The following MNT variants were observed in gnomAD, a reference collection of about 807,000 sequenced individuals.
MNT encodes MAX network transcriptional repressor.
MNT carries 13 observed loss-of-function variants against 40.7 expected under a neutral mutation model. The observed-to-expected ratio is 0.32, with a 90% CI of 0.21 to 0.51. The LOEUF is 0.51. Ranked by LOEUF, MNT falls within the 20% of genes least tolerant of loss-of-function variation. The pLI is 0.98. For missense variants in MNT, 757 were observed against 792.0 expected (o/e 0.96, Z 0.53); for synonymous variants, 426 against 354.8 (o/e 1.20, Z -2.26).
At chr17:2,395,605 C>CTTTCCCCCGTGCCT in intron 1 of MNT, 151 bp from the exon 2 acceptor site, 4 of 1,405,098 alleles carry the variant, frequency 2.8e-6, no homozygotes, top group African/African-American at 1.4e-5. Flanking sequence ...CAGCCAGGCA[C>CTTTCCCCCGTGCCT]GGGGGAAAGT....
In MNT at chr17:2,387,469, G is replaced by A. The variant is rs539260627; in HGVS notation, c.1181C>T (p.Ala394Val). 6.2e-7 allele frequency: 1 copy of A among 1,611,954 alleles called. No individual in the cohort carries two copies. Among genetic ancestry groups the A allele is most frequent in the African/African-American group, 1.3e-5 (1 of 74,956 alleles). ...CTGCTGCTGCTGCACGGGGAGGTGG[G>A]CAGGAGGTAGGGCCACGGAGTGGGG... ...PHPHSVALPP[A>V]HLPVQQQQPQ... The change falls in exon 6 of 6, where the codon GCC becomes GTC. Residue 394 changes from alanine (A) to valine (V), a missense_variant. This residue lies in a region of MNT where 345 missense variants were observed against 380.1 expected (regional missense o/e 0.91). Coordinates refer to ENST00000174618, the MANE Select transcript of MNT (RefSeq NM_020310.3).
chr17:2,400,766 G>A lies in MNT; in HGVS notation c.-54C>T, dbSNP rs891601140. The stretch of plus-strand genomic sequence containing the variant: ...GGGCCGAGGCTGCGGCCCGCGAGCC[G>A]GGCACAGGTCAGGCTGGCGGGCAGG... On this transcript the variant is annotated 5_prime_UTR_variant, in exon 1 of 6. Transcript: ENST00000174618. 6.1e-6 allele frequency: 9 copies of A among 1,464,012 alleles called. No homozygotes were observed. The highest frequency in any genetic ancestry group is 2.6e-5 in the Admixed American group (1 of 39,062). The allele number at this position is 1,464,012 out of a possible 1,614,324, so 90.7% of individuals were successfully genotyped here.
intron 1 of MNT, among the ~76,000 whole-genome samples, chr17:2,398,785 A>G (rs1473005082): frequency 6.6e-6 from 1 of 152,160 alleles, no homozygotes; most frequent in East Asian, 1.9e-4. Context: ...CAAACGTAGG[A>G]CATTCTTGGT....
chr17:2,394,030 C>T lies in MNT; in HGVS notation c.807+13G>A. 6.4e-7 allele frequency: 1 copy of T among 1,560,042 alleles called. No individual in the cohort carries two copies. On this transcript the variant is annotated intron_variant, in intron 4 of 5. Coordinates refer to ENST00000174618, the MANE Select transcript of MNT (RefSeq NM_020310.3). The stretch of plus-strand genomic sequence containing the variant: ...GGGGGAAGCTGCGCGACGCCGGCCT[C>T]CGGGCCCCATACCTGGATGTACCGC...
In MNT at chr17:2,399,831, G is replaced by A. The variant is rs115038998; in HGVS notation, c.73+809C>T. Among the ~76,000 whole-genome samples, 1,316 of 152,308 alleles carry A rather than the reference G, an allele frequency of 8.6e-3. 26 individuals are homozygous for A. Among genetic ancestry groups the A allele is most frequent in the African/African-American group, 0.03 (1,255 of 41,570 alleles). ...TTCCAGGCGAGAGCGGGTTTGGAACGCGCAGACACGCCACATTCCACACTG... is the reference window on the plus strand; with the variant it reads ...TTCCAGGCGAGAGCGGGTTTGGAACACGCAGACACGCCACATTCCACACTG... On this transcript the variant is annotated intron_variant, in intron 1 of 5. Transcript: ENST00000174618.
At position 2,394,230 on chromosome 17, in the gene MNT, T is replaced by C; in HGVS notation, c.695+75A>G. The C allele has an allele frequency of 1.9e-6, 3 of 1,568,048 alleles. No homozygotes were observed. The South Asian group carries it at 3.4e-5, about 18-fold the overall frequency. ...CGGGGGGAGGCAGGACCGGGGAAGC[T>C]GGGGCCGAGGGCCGCCGGGGCCCGG... On this transcript the variant is annotated intron_variant, in intron 3 of 5. Coordinates refer to ENST00000174618, the MANE Select transcript of MNT (RefSeq NM_020310.3).
rs1567862839 is a variant in MNT, at chr17:2,385,430, G to A, written c.*1471C>T. 1 of 152,272 alleles carries A rather than the reference G, an allele frequency of 6.6e-6. No individual in the cohort carries two copies. The highest frequency in any genetic ancestry group is 1.5e-5 in the Non-Finnish European group (1 of 68,102). The allele number at this position is 152,272 out of a possible 1,614,324, so 9.4% of individuals were successfully genotyped here. A position where few individuals can be genotyped will look rare whatever the true frequency, so the allele number is the denominator to read the frequency against. On this transcript the variant is annotated 3_prime_UTR_variant, in exon 6 of 6. Transcript: ENST00000174618. ...CTACACTGAAAGGCCACTGGTGAGT[G>A]TGTGTCCAGGTGGGGAGCCGAGCGT...
chr17:2,387,408 G>C lies in MNT; in HGVS notation c.1242C>G (p.Pro414=), dbSNP rs1402980513. 2.5e-6 allele frequency: 4 copies of C among 1,611,796 alleles called. No homozygotes were observed. The highest frequency in any genetic ancestry group is 2.2e-5 in the East Asian group (1 of 44,804). ...QQKTPLPAPP[P]PPAAPAQTLV... ...GTGTCTGGGCAGGGGCAGCCGGTGG[G>C]GGAGGAGGGGCTGGCAGAGGGGTCT... Residue 414 remains proline (P), a synonymous_variant, in exon 6 of 6, where the codon CCC becomes CCG. Transcript: ENST00000174618.
chr17:2,395,567 G>A (rs915425463), intron 1 of MNT, 113 bp from the exon 2 acceptor site: 31 of 1,511,056 alleles, frequency 2.1e-5, no homozygotes, highest in Non-Finnish European at 2.6e-5. Flanking sequence ...CCTGCTCAGC[G>A]AGAGACACCA....
Position 2,384,308 on chromosome 17 carries a change from A to G in MNT, c.*2593T>C, listed in dbSNP as rs1597411052. 6.6e-6 allele frequency: 1 copy of G among 151,878 alleles called. No homozygotes were observed. The highest frequency in any genetic ancestry group is 6.6e-5 in the Admixed American group (1 of 15,206). The allele number at this position is 151,878 out of a possible 1,614,324, so 9.4% of individuals were successfully genotyped here. On this transcript the variant is annotated 3_prime_UTR_variant, in exon 6 of 6. Coordinates refer to ENST00000174618, the MANE Select transcript of MNT (RefSeq NM_020310.3). Reference sequence around the variant, plus strand: ...AATCTCTACAGTCTGGGGTCGCTACAGTTTATATTTCAGGAAACAGAGACA... The same window carrying G: ...AATCTCTACAGTCTGGGGTCGCTACGGTTTATATTTCAGGAAACAGAGACA...
At position 2,386,751 on chromosome 17, in the gene MNT, G is replaced by C; in HGVS notation, c.*150C>G. The C allele has an allele frequency of 1.3e-6, 1 of 764,604 alleles. No individual in the cohort carries two copies. Among genetic ancestry groups the C allele is most frequent in the African/African-American group, 1.8e-5 (1 of 55,172 alleles). The allele number at this position is 764,604 out of a possible 1,614,324, so 47.4% of individuals were successfully genotyped here. On this transcript the variant is annotated 3_prime_UTR_variant, in exon 6 of 6. Coordinates refer to ENST00000174618, the MANE Select transcript of MNT (RefSeq NM_020310.3). The stretch of plus-strand genomic sequence containing the variant: ...GGTGGCCCTTCCCTCCCTTGGCTCA[G>C]AGTCTTTGCACCCCCTTCCCCTAGG...
rs1462111058 is a variant in MNT at position 2,387,656 on chromosome 17, G to A, written c.1001-7C>T. 6.2e-7 allele frequency: 1 copy of A among 1,613,904 alleles called. No individual in the cohort carries two copies. The highest frequency in any genetic ancestry group is 1.3e-5 in the African/African-American group (1 of 75,036). ...TCTATGTTGTCCTCACCCTCTGTGG[G>A]GAACATGGGGCAGGGAGCAGGTCAG... On this transcript the variant is annotated splice_region_variant and splice_polypyrimidine_tract_variant and intron_variant, in intron 5 of 5. Transcript: ENST00000174618.
At chr17:2,391,667 C>G (rs1401068188) in intron 4 of MNT, 1 of 152,478 alleles carries the variant, frequency 6.6e-6, no homozygotes, top group Non-Finnish European at 1.5e-5. Flanking sequence ...CGTATTCTGG[C>G]TGGGGACCAC....
intron 4 of MNT, among the ~76,000 whole-genome samples, chr17:2,392,450 C>T (rs903855320): frequency 2.0e-5 from 3 of 152,224 alleles, no homozygotes; most frequent in Non-Finnish European, 2.9e-5. Flanking sequence ...GCAAGGCGCC[C>T]TCTGCAAGTA....
At position 2,394,089 on chromosome 17, in the gene MNT, T is replaced by G. The variant is rs745463558; in HGVS notation, c.761A>C (p.Lys254Thr). 11 of 1,608,996 alleles carry G rather than the reference T, an allele frequency of 6.8e-6. No individual in the cohort carries two copies. The highest frequency in any genetic ancestry group is 1.1e-5 in the South Asian group (1 of 90,694). Residue 254 changes from lysine (K) to threonine (T), a missense_variant, in exon 4 of 6, where the codon AAG (lysine) becomes ACG (threonine). By Grantham distance (78) the Lys-to-Thr change is moderately conservative. Transcript: ENST00000174618. ...KRNIPNVDDK[K>T]TSNLSVLRTA... is the part of the protein sequence containing the mutation. ...CCGCAGCACGCTCAGATTGGACGTC[T>G]TCTTGTCATCCACGTTGGGGATGTT... is the stretch of plus-strand genomic sequence containing the variant.
At chr17:2,391,063 A>G (rs1035486488) in intron 4 of MNT, 2 of 152,466 alleles carry the variant, frequency 1.3e-5, no homozygotes, top group African/African-American at 4.8e-5. Flanking sequence ...ATCTCGGCTC[A>G]CTGCAACCTC....
rs765856528 is a variant in MNT at position 2,387,891 on chromosome 17, G to A, written c.966C>T (p.Pro322=). The change falls in exon 5 of 6, where the codon CCC becomes CCT. Residue 322 remains proline, a synonymous_variant. Transcript: ENST00000174618. ...TGGAGGTGGAGGCCTGGTCATCCTC[G>A]GGCTGGCCCGTCTGCCGCAGCACGC... ...IDRVLRQTGQ[P]EDDQASTSTA... is the part of the protein sequence containing the mutation. The A allele has an allele frequency of 1.0e-5, 16 of 1,603,194 alleles. No individual in the cohort carries two copies. Among genetic ancestry groups the A allele is most frequent in the African/African-American group, 5.3e-5 (4 of 74,834 alleles).
At chr17:2,397,070 C>A (rs907912523) in intron 1 of MNT, among the ~76,000 whole-genome samples, 1 of 152,196 alleles carries the variant, frequency 6.6e-6, no homozygotes, top group Admixed American at 6.5e-5. Flanking sequence ...GGGGAAGCGT[C>A]CTGGGAGGGG....
At position 2,394,954 on chromosome 17, in the gene MNT, G is replaced by A. The variant is rs1302098325; in HGVS notation, c.574C>T (p.Pro192Ser). The stretch of plus-strand genomic sequence containing the variant: ...TTCAGGGTCCCCAGCGTGGGTGGGG[G>A]CGGCTGCTGGGGGGCCAGCTGAGGC... ...VQPQLAPQQP[P>S]PPTLGTLKLA... The change falls in exon 2 of 6, where the codon CCC becomes TCC. Residue 192 changes from proline (P) to serine (S), a missense_variant. Transcript: ENST00000174618. The A allele has an allele frequency of 1.2e-5, 19 of 1,607,602 alleles. No homozygotes were observed. Among genetic ancestry groups the A allele is most frequent in the South Asian group, 3.3e-5 (3 of 89,922 alleles).
Sources: gnomAD v4.1 joint callset for allele counts (sites outside exome capture counted in the v4.1 genomes callset) on GRCh38, gnomAD v4.1.1 for gene constraint, gnomAD v4.1.1 regional missense constraint, MANE v1.5 for transcripts, NCBI Gene and HGNC (gene_info 2026-07-23, HGNC 2026-07-21) for gene names.